The following CADM2 variants were observed in gnomAD, a reference collection of about 807,000 sequenced individuals.
The protein encoded by CADM2 is immunoglobulin superfamily member 4D.
CADM2 carries 12 observed loss-of-function variants against 49.8 expected under a neutral mutation model. The ratio of observed to expected loss-of-function variants is 0.24; its 90% CI spans 0.15 to 0.39. The LOEUF (loss-of-function observed/expected upper bound fraction) is 0.39. Ranked by LOEUF, CADM2 falls within the 10% of genes least tolerant of loss-of-function variation. The probability of loss-of-function intolerance (pLI) is 1.00; values close to 1 mark genes in which losing one functional copy is unlikely to be tolerated. For missense variants in CADM2, 378 were observed against 492.3 expected (o/e 0.77, Z 2.20); for synonymous variants, 214 against 175.4 (o/e 1.22, Z -1.74).
chr3:85,670,940 C>CA (rs1421371604), intron 1 of CADM2, among the ~76,000 whole-genome samples: 1 of 152,128 alleles, frequency 6.6e-6, no homozygotes, highest in Admixed American at 6.5e-5. Flanking sequence ...ATCACCTCTC[C>CA]ATCTCTTTCT....
intron 1 of CADM2, among the ~76,000 whole-genome samples, chr3:85,550,647 ATTCTAAGAGCAACTAATT>A (rs1423517412): frequency 2.0e-5 from 3 of 152,202 alleles, no homozygotes; most frequent in African/African-American, 7.2e-5. Context: ...TATATGCAAG[ATTCTAAGAGCAACTAATT>A]GTGTTCCTGC....
chr3:85,138,236 T>C (rs1043139703), intron 1 of CADM2, among the ~76,000 whole-genome samples: 4 of 152,156 alleles, frequency 2.6e-5, no homozygotes, highest in African/African-American at 9.6e-5. Context: ...TGTCATGGGA[T>C]ACCTTTTTAT....
At chr3:85,514,376 A>G (rs1186409578) in intron 1 of CADM2, among the ~76,000 whole-genome samples, 2 of 152,108 alleles carry the variant, frequency 1.3e-5, no homozygotes, top group Non-Finnish European at 2.9e-5. Flanking sequence ...TTATATGAGT[A>G]CTCACAGGGA....
At chr3:86,034,902 C>A (rs1488137933) in intron 8 of CADM2, among the ~76,000 whole-genome samples, 2 of 151,672 alleles carry the variant, frequency 1.3e-5, no homozygotes, top group African/African-American at 4.8e-5. Flanking sequence ...AATCTTTTAC[C>A]TTCTCTCCAC....
chr3:85,834,066 T>C (rs1009047288), intron 3 of CADM2, among the ~76,000 whole-genome samples: 1 of 151,622 alleles, frequency 6.6e-6, no homozygotes, highest in Non-Finnish European at 1.5e-5. Flanking sequence ...GTGCCAACCA[T>C]CTATCAAATC....
chr3:85,607,232 G>C (rs562473545), intron 1 of CADM2, among the ~76,000 whole-genome samples: 1 of 152,216 alleles, frequency 6.6e-6, no homozygotes, highest in South Asian at 2.1e-4. Context: ...ACATAGCAAA[G>C]AATGCAAGAA....
intron 1 of CADM2, among the ~76,000 whole-genome samples, chr3:85,603,198 A>G (rs967118531): frequency 6.6e-5 from 10 of 151,932 alleles, no homozygotes; most frequent in Non-Finnish European, 1.5e-4. Flanking sequence ...AAACCTGAAT[A>G]CATGAAGGAG....
intron 1 of CADM2, among the ~76,000 whole-genome samples, chr3:85,221,928 A>G (rs182816181): frequency 2.0e-5 from 3 of 152,272 alleles, no homozygotes; most frequent in African/African-American, 4.8e-5. Context: ...AGCAAAATAT[A>G]GCATCCTAGT....
chr3:85,058,952 A>G (rs918285147), intron 1 of CADM2, among the ~76,000 whole-genome samples: 1 of 151,738 alleles, frequency 6.6e-6, no homozygotes, highest in African/African-American at 2.4e-5. Context: ...CTAAAAATAT[A>G]TAGTATTCTT....
chr3:85,364,712 G>A (rs1399359882), intron 1 of CADM2, among the ~76,000 whole-genome samples: 4 of 152,146 alleles, frequency 2.6e-5, no homozygotes, highest in Admixed American at 2.6e-4. Flanking sequence ...GTGGGTTCAA[G>A]TTCAGTTAGG....
At chr3:85,289,843 A>C (rs1004593079) in intron 1 of CADM2, among the ~76,000 whole-genome samples, 1 of 152,238 alleles carries the variant, frequency 6.6e-6, no homozygotes, top group African/African-American at 2.4e-5. Flanking sequence ...TATGTTAGAT[A>C]GTTACTAAAA....
chr3:85,619,905 G>T (rs552287915), intron 1 of CADM2, among the ~76,000 whole-genome samples: 24 of 152,262 alleles, frequency 1.6e-4, no homozygotes, highest in Non-Finnish European at 7.4e-5. Flanking sequence ...ATCCCAGCCT[G>T]TCAGAAGTTC....
intron 8 of CADM2, among the ~76,000 whole-genome samples, chr3:85,988,703 G>T (rs896753546): frequency 2.6e-5 from 4 of 152,130 alleles, no homozygotes; most frequent in South Asian, 2.1e-4. Context: ...ATTGTTTAAA[G>T]AATTACGTTT....
At chr3:85,179,770 A>C (rs2040878847) in intron 1 of CADM2, among the ~76,000 whole-genome samples, 1 of 152,030 alleles carries the variant, frequency 6.6e-6, no homozygotes, top group Admixed American at 6.6e-5. Flanking sequence ...AACACAACTA[A>C]ATTTAGTTTA....
At chr3:85,121,499 G>A (rs912202445) in intron 1 of CADM2, among the ~76,000 whole-genome samples, 2 of 152,094 alleles carry the variant, frequency 1.3e-5, no homozygotes, top group East Asian at 1.9e-4. Flanking sequence ...AGAATATGGC[G>A]AGGCTTGGAT....
At chr3:85,326,664 C>A (rs747708892) in intron 1 of CADM2, among the ~76,000 whole-genome samples, 1 of 152,022 alleles carries the variant, frequency 6.6e-6, no homozygotes, top group Non-Finnish European at 1.5e-5. Flanking sequence ...AAGCCATTTT[C>A]AATTGTAAAA....
At chr3:84,993,699 G>A (rs1156264050) in intron 1 of CADM2, among the ~76,000 whole-genome samples, 2 of 152,144 alleles carry the variant, frequency 1.3e-5, no homozygotes, top group Non-Finnish European at 2.9e-5. Flanking sequence ...TTTCTTCATA[G>A]ACATGTTCTA....
chr3:85,926,152 A>G (rs1719828000), intron 6 of CADM2, among the ~76,000 whole-genome samples: 1 of 102,298 alleles, frequency 9.8e-6, no homozygotes. Context: ...AAATAAATAA[A>G]TAAATAAATA....
chr3:85,226,615 G>A (rs987229669), intron 1 of CADM2, among the ~76,000 whole-genome samples: 4 of 150,960 alleles, frequency 2.6e-5, no homozygotes, highest in African/African-American at 9.7e-5. Flanking sequence ...TTTTGTGTGT[G>A]TGTCTATCTC....
Sources: gnomAD v4.1 joint callset for allele counts (sites outside exome capture counted in the v4.1 genomes callset) on GRCh38, gnomAD v4.1.1 for gene constraint, MANE v1.5 for transcripts, NCBI Gene and HGNC (gene_info 2026-07-23, HGNC 2026-07-21) for gene names.